UNKL: variants seen among roughly 807,000 people sequenced by gnomAD.
UNKL encodes the protein putative E3 ubiquitin-protein ligase UNKL.
In UNKL, 60 loss-of-function variants were observed where a neutral mutation model predicts 78.0. The ratio of observed to expected loss-of-function variants is 0.77; its 90% CI spans 0.63 to 0.95. The LOEUF is 0.95. Ranked by LOEUF, UNKL falls within the 40% of genes least tolerant of loss-of-function variation. UNKL has a pLI of 0.00. For synonymous variants in UNKL, 608 were observed against 474.8 expected, an observed-to-expected ratio of 1.28 and a Z score of -3.65; for missense variants, 1,159 against 1,045.7, an observed-to-expected ratio of 1.11 and a Z score of -1.49.
At chr16:1,370,383 AG>A in intron 11 of UNKL, 26 bp from the exon 12 acceptor site, 1 of 1,528,378 alleles carries the variant, frequency 6.5e-7, no homozygotes, top group African/African-American at 1.4e-5. Flanking sequence ...CAGTCAGCGA[AG>A]GGAGTACCGC....
chr16:1,398,278 T>TA (rs1195637067), intron 5 of UNKL: 40 of 995,534 alleles, frequency 4.0e-5, no homozygotes, highest in Non-Finnish European at 4.8e-5. Flanking sequence ...CTCTGTCTCA[T>TA]AAAAAAACAA....
At position 1,394,177 on chromosome 16, in the gene UNKL, G is replaced by A. The variant is rs61745848; in HGVS notation, c.891C>T (p.Thr297=). Residue 297 remains threonine (T), a synonymous_variant, in exon 7 of 15, where the codon ACC becomes ACT. Coordinates refer to ENST00000389221, the MANE Select transcript of UNKL (RefSeq NM_001372107.1). Reference sequence around the variant, plus strand: ...AGAAGGGGCCGCGCGGGCAGTACCCGGTTTGGCGCATGTCGTTGCATTTTG... The same window carrying A: ...AGAAGGGGCCGCGCGGGCAGTACCCAGTTTGGCGCATGTCGTTGCATTTTG... ...KSTKCNDMRQ[T]GYCPRGPFCA... The A allele has an allele frequency of 8.6e-5, 134 of 1,550,752 alleles. No individual in the cohort carries two copies. In the African/African-American group the frequency reaches 9.4e-4, roughly 11 times the overall value.
chr16:1,402,465 A>G (rs1422680384), intron 3 of UNKL, among the ~76,000 whole-genome samples: 5 of 152,132 alleles, frequency 3.3e-5, no homozygotes, highest in African/African-American at 1.2e-4. Context: ...GATGGAGACC[A>G]TCCTGGCTAA....
chr16:1,395,804 G>A lies in UNKL; in HGVS notation c.852+1374C>T, dbSNP rs766835605. The A allele has an allele frequency of 2.0e-4, 93 of 455,254 alleles. 2 individuals carry two copies. Among genetic ancestry groups the A allele is most frequent in the South Asian group, 1.3e-3 (81 of 64,540 alleles). 28.2% of individuals were successfully genotyped at this position (455,254 alleles called of 1,614,324 possible). On this transcript the variant is annotated intron_variant, in intron 6 of 14. Transcript: ENST00000389221. Reference sequence around the variant, plus strand: ...AAAACGCCCCGGACACCGGACTCCCGACAGGCCCCTGGTGACACCATTGAG... The same window carrying A: ...AAAACGCCCCGGACACCGGACTCCCAACAGGCCCCTGGTGACACCATTGAG...
intron 9 of UNKL, among the ~76,000 whole-genome samples, chr16:1,389,625 T>TGG (rs141716219): frequency 6.6e-6 from 1 of 152,090 alleles, no homozygotes; most frequent in African/African-American, 2.4e-5. Flanking sequence ...AAATGAGGTG[T>TGG]GGGGGCAGGG....
In UNKL at chr16:1,387,494, C is replaced by T. The variant is rs1249375287; in HGVS notation, c.1087-2109G>A. ...GGTGACCAGACATCCAGGAGCAACG[C>T]ACACCTGGGAGCTCCTTGTACCCCG... is the stretch of plus-strand genomic sequence containing the variant. On this transcript the variant is annotated intron_variant, in intron 9 of 14. Transcript: ENST00000389221. This position sits in a 1 kb window ranked among gnomAD's most constrained non-coding sequence, Gnocchi z 4.1. Among the ~76,000 whole-genome samples, 2 of 152,188 alleles carry T rather than the reference C, an allele frequency of 1.3e-5. No individual in the cohort carries two copies. The highest frequency in any genetic ancestry group is 4.8e-5 in the African/African-American group (2 of 41,432).
At chr16:1,411,365 T>C (rs2142291129) in intron 2 of UNKL, among the ~76,000 whole-genome samples, 1 of 149,252 alleles carries the variant, frequency 6.7e-6, no homozygotes, top group Non-Finnish European at 1.5e-5. Flanking sequence ...AACAAAATAA[T>C]AAATAAAATA....
chr16:1,410,419 C>T (rs1363538615), intron 2 of UNKL, among the ~76,000 whole-genome samples: 1 of 152,176 alleles, frequency 6.6e-6, no homozygotes, highest in Non-Finnish European at 1.5e-5. Context: ...ACCAGCCTGA[C>T]CAACATGGAG....
chr16:1,400,677 T>C lies in UNKL; in HGVS notation c.598+891A>G, dbSNP rs117280573. On this transcript the variant is annotated intron_variant, in intron 4 of 14. Transcript: ENST00000389221. Reference sequence around the variant, plus strand: ...GTACACTTAAAAATGGTGCATTTTATGTTGTGTGTATTTTACATTTTTTTT... The same window carrying C: ...GTACACTTAAAAATGGTGCATTTTACGTTGTGTGTATTTTACATTTTTTTT... 3.3e-3 allele frequency among the ~76,000 whole-genome samples: 504 copies of C among 152,050 alleles called. 1 individual carries two copies. Among genetic ancestry groups the C allele is most frequent in the Admixed American group, 6.2e-3 (94 of 15,252 alleles).
In UNKL at chr16:1,385,264, G is replaced by A. The variant is rs1428813563; in HGVS notation, c.1208C>T (p.Pro403Leu). ...GSSSPTALPA[P>L]PARALPLGPA... ...GCCGAGCGGGAGGGCACGGGCGGGG[G>A]GCGCGGGCAGCGCAGTGGGGGAGGA... Residue 403 changes from proline to leucine, a missense_variant, in exon 10 of 15, where the codon CCC (proline) becomes CTC (leucine). Transcript: ENST00000389221. 1.5e-5 allele frequency: 20 copies of A among 1,336,116 alleles called. No homozygotes were observed. Among genetic ancestry groups the A allele is most frequent in the South Asian group, 1.9e-5 (1 of 52,758 alleles). The allele number at this position is 1,336,116 out of a possible 1,614,324, so 82.8% of individuals were successfully genotyped here.
intron 12 of UNKL, 68 bp from the exon 13 acceptor site, chr16:1,367,926 C>T: frequency 1.4e-6 from 2 of 1,416,736 alleles, no homozygotes; most frequent in Admixed American, 2.1e-5. Flanking sequence ...TTGGTGGGTG[C>T]TATGCCCCAG....
rs907429781 is a variant in UNKL, at chr16:1,413,912, T to C, written c.221A>G (p.Asn74Ser). 1.9e-6 allele frequency: 3 copies of C among 1,558,834 alleles called. No individual in the cohort carries two copies. The highest frequency in any genetic ancestry group is 1.2e-5 in the South Asian group (1 of 84,746). ...RPLRRRDGTF[N>S]YSPDVYCSKY... ...GGAGCAGTACACGTCGGGGCTGTAGTTGAAGGTGCCGTCGCGCCTGCGGAG... is the reference window on the plus strand; with the variant it reads ...GGAGCAGTACACGTCGGGGCTGTAGCTGAAGGTGCCGTCGCGCCTGCGGAG... The change falls in exon 2 of 15, where the codon AAC becomes AGC. Residue 74 changes from asparagine to serine, a missense_variant. Coordinates refer to ENST00000389221, the MANE Select transcript of UNKL (RefSeq NM_001372107.1).
rs78950896 is a variant in UNKL at position 1,371,485 on chromosome 16, G to T, written c.1357+34C>A. 1.9e-3 allele frequency: 2,908 copies of T among 1,531,372 alleles called. 42 individuals carry two copies. The African/African-American group carries it at 0.032, about 17-fold the overall frequency. 94.9% of individuals were successfully genotyped at this position (1,531,372 alleles called of 1,614,324 possible). A position where few individuals can be genotyped will look rare whatever the true frequency, so the allele number is the denominator to read the frequency against. ...ACAGCACTTGGCTGTTCAGCGGCTG[G>T]AGGAGCAGGGCCCCAGGTCCTCCCC... is the stretch of plus-strand genomic sequence containing the variant. On this transcript the variant is annotated intron_variant, in intron 11 of 14. Coordinates refer to ENST00000389221, the MANE Select transcript of UNKL (RefSeq NM_001372107.1).
intron 6 of UNKL, chr16:1,395,518 G>T (rs1463730910): frequency 8.9e-6 from 3 of 337,286 alleles, no homozygotes; most frequent in Admixed American, 3.6e-5. Context: ...TACACGGCTG[G>T]GTGTGAACAC....
In UNKL at chr16:1,366,159, G is replaced by C. The variant is rs1774170149; in HGVS notation, c.*81C>G. Reference sequence around the variant, plus strand: ...CTCGGTCCTCACGTCGGTGGCACCAGAAGCGAGTGACGACATGTCCGTGGT... The same window carrying C: ...CTCGGTCCTCACGTCGGTGGCACCACAAGCGAGTGACGACATGTCCGTGGT... On this transcript the variant is annotated 3_prime_UTR_variant, in exon 15 of 15. Coordinates refer to ENST00000389221, the MANE Select transcript of UNKL (RefSeq NM_001372107.1). The C allele has an allele frequency of 7.2e-7, 1 of 1,398,040 alleles. No homozygotes were observed. The highest frequency in any genetic ancestry group is 2.8e-5 in the Admixed American group (1 of 36,080). The allele number at this position is 1,398,040 out of a possible 1,614,324, so 86.6% of individuals were successfully genotyped here. A position where few individuals can be genotyped will look rare whatever the true frequency, so the allele number is the denominator to read the frequency against.
At chr16:1,405,871 T>A (rs780668695) in intron 2 of UNKL, 1 of 434,426 alleles carries the variant, frequency 2.3e-6, no homozygotes, top group East Asian at 7.3e-5. Flanking sequence ...GATCCTGGAG[T>A]GCAAGAAGCT....
At position 1,363,410 on chromosome 16, in the gene UNKL, C is replaced by G. The variant is rs1185170973; in HGVS notation, c.*2830G>C. The G allele has an allele frequency of 2.7e-6, 1 of 374,178 alleles. No individual in the cohort carries two copies. The highest frequency in any genetic ancestry group is 2.2e-5 in the South Asian group (1 of 45,056). The allele number at this position is 374,178 out of a possible 1,614,324, so 23.2% of individuals were successfully genotyped here. ...ATTCTCATGTAAATACTCAAACATACAGATTGAGGCTTCCAGAAATTAATC... is the reference window on the plus strand; with the variant it reads ...ATTCTCATGTAAATACTCAAACATAGAGATTGAGGCTTCCAGAAATTAATC... On this transcript the variant is annotated 3_prime_UTR_variant, in exon 15 of 15. Transcript: ENST00000389221.
rs1419716507 is a variant in UNKL, at chr16:1,387,200, G to A, written c.1087-1815C>T. Reference sequence around the variant, plus strand: ...GACCCTCCCAGCCATGCAACACCGGGGACACTCCCAGCCATGCAACACCGG... The same window carrying A: ...GACCCTCCCAGCCATGCAACACCGGAGACACTCCCAGCCATGCAACACCGG... On this transcript the variant is annotated intron_variant, in intron 9 of 14. Transcript: ENST00000389221. This position sits in a 1 kb window ranked among gnomAD's most constrained non-coding sequence, Gnocchi z 4.1. 6.6e-6 allele frequency among the ~76,000 whole-genome samples: 1 copy of A among 151,250 alleles called. No individual in the cohort carries two copies. The highest frequency in any genetic ancestry group is 1.9e-4 in the East Asian group (1 of 5,162).
chr16:1,363,607 G>A lies in UNKL; in HGVS notation c.*2633C>T, dbSNP rs566657373. ...CCCCGTGCCCGCCATGGCCACAGGG[G>A]GGAGCTGCTGGGCGCGCCTCCACCT... On this transcript the variant is annotated 3_prime_UTR_variant, in exon 15 of 15. Transcript: ENST00000389221. 3 of 208,892 alleles carry A rather than the reference G, an allele frequency of 1.4e-5. No homozygotes were observed. The East Asian group carries it at 3.9e-4, about 27-fold the overall frequency. 12.9% of individuals were successfully genotyped at this position (208,892 alleles called of 1,614,324 possible).
Sources: gnomAD v4.1 joint callset for allele counts (sites outside exome capture counted in the v4.1 genomes callset) on GRCh38, gnomAD v4.1.1 for gene constraint, Gnocchi (gnomAD v3.1) non-coding constraint, MANE v1.5 for transcripts, NCBI Gene and HGNC (gene_info 2026-07-23, HGNC 2026-07-21) for gene names.